The following DGCR8 variants were observed in gnomAD, a reference collection of about 807,000 sequenced individuals.
DGCR8 encodes microprocessor complex subunit DGCR8.
Under a neutral mutation model 78.5 loss-of-function variants are expected in DGCR8, and 14 were observed. That is an observed-to-expected ratio of 0.18 (90% CI 0.12 to 0.28). DGCR8 has a LOEUF of 0.28. Among genes scored for constraint, DGCR8 ranks in the 10% least tolerant of loss-of-function variants. DGCR8 has a pLI of 1.00. For synonymous variants in DGCR8, 399 were observed against 402.4 expected (o/e 0.99, Z 0.10); for missense variants, 702 against 1,022.5 (o/e 0.69, Z 4.28).
chr22:20,094,573 C>T (rs1348801136), intron 8 of DGCR8, 140 bp from the exon 9 acceptor site: 1 of 741,322 alleles, frequency 1.3e-6, no homozygotes, highest in Non-Finnish European at 2.3e-6. Context: ...GACCCTGTCA[C>T]TGAAGTGCTG....
chr22:20,109,249 C>G (rs765405087), intron 13 of DGCR8: 1 of 402,186 alleles, frequency 2.5e-6, no homozygotes, highest in African/African-American at 2.1e-5. Context: ...ATGAAGGTCA[C>G]AGTCTTGGTG....
chr22:20,096,211 TAAGG>T (rs1325071368), intron 9 of DGCR8, among the ~76,000 whole-genome samples: 3 of 152,300 alleles, frequency 2.0e-5, no homozygotes, highest in South Asian at 2.1e-4. Flanking sequence ...AAGAAAATCA[TAAGG>T]AAGAGAAAAT....
chr22:20,098,414 T>C (rs1326420744), intron 9 of DGCR8, among the ~76,000 whole-genome samples: 1 of 152,230 alleles, frequency 6.6e-6, no homozygotes, highest in African/African-American at 2.4e-5. Flanking sequence ...TTTCCCTTCA[T>C]GTATGGGCTG....
In DGCR8 at chr22:20,111,664, A is replaced by G. The variant is rs1211056237; in HGVS notation, c.*1556A>G. 1 of 251,860 alleles carries G rather than the reference A, an allele frequency of 4.0e-6. No individual in the cohort carries two copies. Among genetic ancestry groups the G allele is most frequent in the Non-Finnish European group, 7.2e-6 (1 of 138,136 alleles). The allele number at this position is 251,860 out of a possible 1,614,324, so 15.6% of individuals were successfully genotyped here. ...TCGCTGTGTCTTGCTGTTCCCAGGC[A>G]CCACCACAGCAGGTGCTGCCATACT... On this transcript the variant is annotated 3_prime_UTR_variant, in exon 14 of 14. Transcript: ENST00000351989.
intron 5 of DGCR8, 95 bp downstream of exon 5, chr22:20,090,353 T>G (rs2049540448): frequency 7.1e-7 from 1 of 1,410,854 alleles, no homozygotes; most frequent in African/African-American, 1.4e-5. Flanking sequence ...TTCCTAGTTG[T>G]ACTTGTGAGC....
chr22:20,086,771 T>TA lies in DGCR8; in HGVS notation c.720+88_720+89insA. 2.9e-6 allele frequency: 4 copies of TA among 1,376,430 alleles called. No homozygotes were observed. The highest frequency in any genetic ancestry group is 4.8e-5 in the East Asian group (2 of 41,662). 85.3% of individuals were successfully genotyped at this position (1,376,430 alleles called of 1,614,324 possible). Reference sequence around the variant, plus strand: ...GCAGCATCTTTTGAAAGCAGGGAAATTAAAAAAAAAAAAAACAAAAACCAA... The same window carrying TA: ...GCAGCATCTTTTGAAAGCAGGGAAATATAAAAAAAAAAAAAACAAAAACCAA... On this transcript the variant is annotated intron_variant, in intron 2 of 13. Transcript: ENST00000351989. This position sits in a 1 kb window ranked among gnomAD's most constrained non-coding sequence, Gnocchi z 6.4.
chr22:20,109,059 G>C, intron 13 of DGCR8, 56 bp downstream of exon 13: 1 of 921,920 alleles, frequency 1.1e-6, no homozygotes, highest in South Asian at 1.3e-5. Context: ...TGTGGCACCT[G>C]TGGAGGGACA....
At chr22:20,094,488 G>T (rs922314482) in intron 8 of DGCR8, among the ~76,000 whole-genome samples, 1 of 152,222 alleles carries the variant, frequency 6.6e-6, no homozygotes, top group African/African-American at 2.4e-5. Flanking sequence ...GGGTGAGAGC[G>T]CACACACCCA....
chr22:20,087,302 G>T lies in DGCR8; in HGVS notation c.861G>T (p.Lys287Asn). ...CAAGTGTGCAGCCGATGATGACCAAGATTAAAACAGTGCTCAAAAGTACGT... is the reference window on the plus strand; with the variant it reads ...CAAGTGTGCAGCCGATGATGACCAATATTAAAACAGTGCTCAAAAGTACGT... Reference protein sequence around the residue: ...GETSVQPMMTKIKTVLKSRGR... With the variant: ...GETSVQPMMTNIKTVLKSRGR... The change falls in exon 3 of 14, where the codon AAG becomes AAT. Residue 287 changes from lysine (K) to asparagine (N), a missense_variant. Lys to Asn is a moderately conservative substitution (Grantham distance 94). Around this residue, in one of 4 missense-constraint regions of DGCR8, gnomAD observed 356 missense variants for 448.9 expected, o/e 0.79. Coordinates refer to ENST00000351989, the MANE Select transcript of DGCR8 (RefSeq NM_022720.7). This position sits in a 1 kb window ranked among gnomAD's most constrained non-coding sequence, Gnocchi z 4.1. 1 of 1,610,930 alleles carries T rather than the reference G, an allele frequency of 6.2e-7. No individual in the cohort carries two copies. The highest frequency in any genetic ancestry group is 8.5e-7 in the Non-Finnish European group (1 of 1,177,672).
chr22:20,103,243 C>T (rs2049725735), intron 9 of DGCR8, among the ~76,000 whole-genome samples: 1 of 151,916 alleles, frequency 6.6e-6, no homozygotes, highest in Admixed American at 6.6e-5. Context: ...AAATCATAAA[C>T]ATAGTTCATC....
chr22:20,099,285 G>A (rs1373300949), intron 9 of DGCR8, among the ~76,000 whole-genome samples: 7 of 152,218 alleles, frequency 4.6e-5, no homozygotes, highest in Admixed American at 1.3e-4. Context: ...TTGGGTTCTT[G>A]GCCAGCCTCT....
chr22:20,101,116 G>T, intron 9 of DGCR8: 4 of 855,552 alleles, frequency 4.7e-6, no homozygotes, highest in Non-Finnish European at 4.2e-6. Context: ...GGGTCGTTTT[G>T]AATCACAAAA....
rs201225156 is a variant in DGCR8 at position 20,090,138 on chromosome 22, G to A, written c.1186G>A (p.Asp396Asn). ...AELEFPLDEP[D>N]SMGADPGPPD... Reference sequence around the variant, plus strand: ...GCTGGAGTTTCCCCTGGATGAGCCTGACTCTATGGGTGCTGACCCGGGGCC... The same window carrying A: ...GCTGGAGTTTCCCCTGGATGAGCCTAACTCTATGGGTGCTGACCCGGGGCC... Residue 396 changes from aspartate (D) to asparagine (N), a missense_variant, in exon 5 of 14, where the codon GAC becomes AAC. Physicochemically the swap from Asp to Asn is conservative, Grantham distance 23 (BLOSUM62 1). Transcript: ENST00000351989. 5.6e-6 allele frequency: 9 copies of A among 1,614,268 alleles called. No individual in the cohort carries two copies. Among genetic ancestry groups the A allele is most frequent in the Non-Finnish European group, 7.6e-6 (9 of 1,180,056 alleles).
chr22:20,083,131 A>G (rs1348528262), intron 1 of DGCR8, among the ~76,000 whole-genome samples: 3 of 151,610 alleles, frequency 2.0e-5, no homozygotes, highest in African/African-American at 7.3e-5. Flanking sequence ...CCTGTAACCC[A>G]CCTGGCTCAC....
In DGCR8 at chr22:20,107,454, T is replaced by A. The variant is rs924992691; in HGVS notation, c.2124+56T>A. Reference sequence around the variant, plus strand: ...CCTGTGCTGCCACCCTGGAGCGTATTCCTGAGGCTCTGTGCTCAGAGGGGG... The same window carrying A: ...CCTGTGCTGCCACCCTGGAGCGTATACCTGAGGCTCTGTGCTCAGAGGGGG... On this transcript the variant is annotated intron_variant, in intron 12 of 13. Transcript: ENST00000351989. The A allele has an allele frequency of 1.2e-4, 185 of 1,606,842 alleles. No individual in the cohort carries two copies. In the East Asian group the frequency reaches 4.1e-3, roughly 35 times the overall value.
chr22:20,083,509 C>T (rs1217694947), intron 1 of DGCR8, among the ~76,000 whole-genome samples: 1 of 152,054 alleles, frequency 6.6e-6, no homozygotes, highest in Non-Finnish European at 1.5e-5. Flanking sequence ...CCAGGCTTTC[C>T]TGCTGTGCAT....
chr22:20,088,596 G>A (rs1426724705), intron 3 of DGCR8, among the ~76,000 whole-genome samples: 1 of 151,932 alleles, frequency 6.6e-6, no homozygotes, highest in African/African-American at 2.4e-5. Context: ...GCTCCATCTT[G>A]GCCTGACTCT....
Position 20,089,862 on chromosome 22 carries a change from A to G in DGCR8, c.1023+51A>G. 1 of 1,607,294 alleles carries G rather than the reference A, an allele frequency of 6.2e-7. No homozygotes were observed. The highest frequency in any genetic ancestry group is 1.1e-5 in the South Asian group (1 of 90,682). On this transcript the variant is annotated intron_variant, in intron 4 of 13. Transcript: ENST00000351989. This position sits in a 1 kb window ranked among gnomAD's most constrained non-coding sequence, Gnocchi z 4.9. ...TAGGCTTGTAAGTTCTCAGACCAAA[A>G]CGTGCACATCCACACACATGGCACC...
chr22:20,092,064 C>G (rs1386648909), intron 7 of DGCR8, 94 bp downstream of exon 7: 3 of 971,808 alleles, frequency 3.1e-6, no homozygotes, highest in South Asian at 2.8e-5. Flanking sequence ...TAGCCCTACT[C>G]TACTGGAACG....
Sources: allele counts gnomAD v4.1 joint callset (sites outside exome capture counted in the v4.1 genomes callset), GRCh38; gene constraint gnomAD v4.1.1; regional missense constraint gnomAD v4.1.1; non-coding constraint Gnocchi (gnomAD v3.1); transcripts MANE v1.5; gene names NCBI Gene and HGNC (gene_info 2026-07-23, HGNC 2026-07-21).